DLGAP2: variants seen among roughly 807,000 people sequenced by gnomAD.
The protein encoded by DLGAP2 is disks large-associated protein 2.
In DLGAP2, 26 loss-of-function variants were observed where a neutral mutation model predicts 100.3. The ratio of observed to expected loss-of-function variants is 0.26; its 90% CI spans 0.19 to 0.36. The LOEUF (loss-of-function observed/expected upper bound fraction) is 0.36. DLGAP2 is among the 10% of genes least tolerant of loss of function. The pLI, the probability that DLGAP2 is intolerant of heterozygous loss-of-function variation, is 1.00. For synonymous variants in DLGAP2, 886 were observed against 630.1 expected (o/e 1.41, Z -6.08); for missense variants, 1,858 against 1,453.2 (o/e 1.28, Z -4.53).
At chr8:1,303,152 C>G (rs140502233) in intron 3 of DLGAP2, among the ~76,000 whole-genome samples, 146 of 152,302 alleles carry the variant, frequency 9.6e-4, no homozygotes, top group Admixed American at 2.4e-3. Flanking sequence ...AATCCCAGCA[C>G]TTTGGAAGGC....
intron 4 of DLGAP2, among the ~76,000 whole-genome samples, chr8:1,538,903 T>G (rs896101176): frequency 3.3e-4 from 48 of 146,308 alleles, no homozygotes; most frequent in Non-Finnish European, 6.5e-4. Context: ...TTTTTTTTTT[T>G]TTGAGACAGA....
At chr8:1,065,351 T>A (rs938049614) in intron 2 of DLGAP2, among the ~76,000 whole-genome samples, 7 of 152,250 alleles carry the variant, frequency 4.6e-5, no homozygotes, top group African/African-American at 1.7e-4. Context: ...AAAAAAGTCA[T>A]CACATTTTCA....
intron 1 of DLGAP2, among the ~76,000 whole-genome samples, chr8:784,819 A>G (rs1384796606): frequency 1.3e-5 from 2 of 152,216 alleles, no homozygotes. Flanking sequence ...GAAAGGTACA[A>G]TAAGCCGCAT....
intron 3 of DLGAP2, among the ~76,000 whole-genome samples, chr8:1,270,436 C>A (rs1198074650): frequency 6.6e-6 from 1 of 152,188 alleles, no homozygotes. Flanking sequence ...CTTTAAAAAT[C>A]ATTTTCAGTA....
chr8:1,041,824 CTCCTTGCCGTGGGTCAGCGTTCTCCGAG>C (rs1802360906), intron 2 of DLGAP2, among the ~76,000 whole-genome samples: 1 of 152,040 alleles, frequency 6.6e-6, no homozygotes, highest in African/African-American at 2.4e-5. Flanking sequence ...GTTCTCCGAG[CTCCTTGCCGTGGGTCAGCGTTCTCCGAG>C]CCCTTTGCCG....
intron 4 of DLGAP2, among the ~76,000 whole-genome samples, chr8:1,530,587 G>A (rs185387264): frequency 0.024 from 3,652 of 152,224 alleles, 76 homozygotes; most frequent in Non-Finnish European, 0.04. Context: ...AAATCACAAG[G>A]GTACTGAATG....
At chr8:813,231 G>T (rs559473027) in intron 1 of DLGAP2, among the ~76,000 whole-genome samples, 1 of 151,318 alleles carries the variant, frequency 6.6e-6, no homozygotes, top group Non-Finnish European at 1.5e-5. Context: ...TTATCTCGTG[G>T]ATATCCTAGT....
At chr8:1,120,958 C>T (rs780161661) in intron 2 of DLGAP2, among the ~76,000 whole-genome samples, 1 of 151,764 alleles carries the variant, frequency 6.6e-6, no homozygotes, top group Non-Finnish European at 1.5e-5. Flanking sequence ...CCTTTAGAAA[C>T]CCTGACCACC....
intron 2 of DLGAP2, among the ~76,000 whole-genome samples, chr8:1,218,034 C>G (rs1281150408): frequency 6.6e-6 from 1 of 152,078 alleles, no homozygotes; most frequent in Non-Finnish European, 1.5e-5. Flanking sequence ...TATTTTCTCC[C>G]ATTCTATAAG....
At chr8:1,519,099 C>T (rs896354927) in intron 4 of DLGAP2, among the ~76,000 whole-genome samples, 2 of 152,096 alleles carry the variant, frequency 1.3e-5, no homozygotes, top group Admixed American at 6.5e-5. Context: ...GGAAGGGATA[C>T]GAAGGCTTGG....
intron 4 of DLGAP2, among the ~76,000 whole-genome samples, chr8:1,530,229 G>A (rs1240638857): frequency 6.6e-6 from 1 of 151,900 alleles, no homozygotes; most frequent in Non-Finnish European, 1.5e-5. Flanking sequence ...AGGTGCACCT[G>A]GGGGGGCTGT....
intron 2 of DLGAP2, among the ~76,000 whole-genome samples, chr8:1,063,522 T>C (rs1803152066): frequency 1.3e-3 from 2 of 1,578 alleles, no homozygotes; most frequent in Non-Finnish European, 0.011. Context: ...GTATACTGGC[T>C]TTTTTTTTTT....
chr8:1,683,050 C>T (rs955506236), intron 12 of DLGAP2, among the ~76,000 whole-genome samples: 1 of 151,426 alleles, frequency 6.6e-6, no homozygotes, highest in African/African-American at 2.4e-5. Context: ...CTCCGATAGA[C>T]AAAAATGATG....
intron 2 of DLGAP2, among the ~76,000 whole-genome samples, chr8:1,048,019 C>T (rs1802562108): frequency 6.6e-6 from 1 of 152,178 alleles, no homozygotes. Flanking sequence ...GGTGCGGACA[C>T]TGTGGTATTT....
intron 3 of DLGAP2, among the ~76,000 whole-genome samples, chr8:1,271,795 C>T (rs867584100): frequency 4.0e-4 from 61 of 152,202 alleles, no homozygotes; most frequent in Middle Eastern, 3.4e-3. Context: ...AGAATGATTT[C>T]TTTTTAATTT....
chr8:857,021 C>G (rs753402507), intron 1 of DLGAP2, among the ~76,000 whole-genome samples: 16 of 152,158 alleles, frequency 1.1e-4, no homozygotes, highest in Non-Finnish European at 1.8e-4. Flanking sequence ...AACAAATAGA[C>G]AAATAGATCA....
chr8:1,287,741 G>A (rs1253199533), intron 3 of DLGAP2, among the ~76,000 whole-genome samples: 1 of 97,456 alleles, frequency 1.0e-5, no homozygotes, highest in Non-Finnish European at 1.9e-5. Flanking sequence ...GGTTCTGTTA[G>A]GGGAACTAGT....
At chr8:1,209,895 T>A (rs368806366) in intron 2 of DLGAP2, among the ~76,000 whole-genome samples, 158 of 152,162 alleles carry the variant, frequency 1.0e-3, no homozygotes, top group African/African-American at 3.6e-3. Context: ...TAATCCCACC[T>A]CCCTCCCTGA....
At chr8:1,672,773 C>G (rs571888677) in intron 10 of DLGAP2, among the ~76,000 whole-genome samples, 1 of 152,246 alleles carries the variant, frequency 6.6e-6, no homozygotes, top group Non-Finnish European at 1.5e-5. Context: ...GGCCACTCAC[C>G]TGTAGCTCTG....
Sources: gnomAD v4.1 joint callset for allele counts (sites outside exome capture counted in the v4.1 genomes callset) on GRCh38, gnomAD v4.1.1 for gene constraint, MANE v1.5 for transcripts, NCBI Gene and HGNC (gene_info 2026-07-23, HGNC 2026-07-21) for gene names.